YTHDC1: variants seen among roughly 807,000 people sequenced by gnomAD.
The protein encoded by YTHDC1 is YTH N6-methyladenosine RNA binding protein C1.
Under a neutral mutation model 107.0 loss-of-function variants are expected in YTHDC1, and 12 were observed. The ratio of observed to expected loss-of-function variants is 0.11; its 90% CI spans 0.07 to 0.18. YTHDC1 has a LOEUF of 0.18. YTHDC1 is among the 10% of genes least tolerant of loss of function. The pLI is 1.00. For synonymous variants in YTHDC1, 280 were observed against 289.5 expected (o/e 0.97, Z 0.33); for missense variants, 635 against 898.8 (o/e 0.71, Z 3.75).
chr4:68,333,161 T>TAGTTTTCTCTAGAATTATTACACTGAAC (rs1276633550), intron 5 of YTHDC1, 147 bp downstream of exon 5: 1 of 634,846 alleles, frequency 1.6e-6, no homozygotes, highest in Non-Finnish European at 2.7e-6. Flanking sequence ...AGAAAAAGCT[T>TAGTTTTCTCTAGAATTATTACACTGAAC]AGTTTTCTCT....
chr4:68,318,295 T>G (rs1182645975), intron 15 of YTHDC1, among the ~76,000 whole-genome samples: 1 of 152,024 alleles, frequency 6.6e-6, no homozygotes, highest in African/African-American at 2.4e-5. Context: ...AGAGACAAGG[T>G]TTCAGTTTCA....
At chr4:68,338,487 C>T (rs1247042610) in intron 1 of YTHDC1, 103 bp from the exon 2 acceptor site, 3 of 703,404 alleles carry the variant, frequency 4.3e-6, no homozygotes, top group Non-Finnish European at 6.8e-6. Flanking sequence ...GGAGCTTTTA[C>T]TTTTATATAA....
rs753485057 is a variant in YTHDC1, at chr4:68,337,069, T to A, written c.841A>T (p.Thr281Ser). The A allele has an allele frequency of 6.2e-7, 1 of 1,613,886 alleles. No homozygotes were observed. Among genetic ancestry groups the A allele is most frequent in the Admixed American group, 1.7e-5 (1 of 60,022 alleles). ...SDSGSESVSFTDGSVRSGSGT... is the reference protein window; with the variant it reads ...SDSGSESVSFSDGSVRSGSGT... ...GAACCAGATCTGACAGACCCATCTG[T>A]GAAGGAAACAGATTCAGAACCAGAG... Residue 281 changes from threonine to serine, a missense_variant, in exon 4 of 17, where the codon ACA becomes TCA. By Grantham distance (58) the Thr-to-Ser change is moderately conservative (BLOSUM62 1). Transcript: ENST00000344157.
At chr4:68,338,232 C>T (rs1323928745) in intron 2 of YTHDC1, 51 bp downstream of exon 2, 1 of 1,466,794 alleles carries the variant, frequency 6.8e-7, no homozygotes, top group East Asian at 2.3e-5. Flanking sequence ...GAAATTGAAT[C>T]TCCTCTATTT....
chr4:68,331,273 C>T (rs114785451), intron 7 of YTHDC1, among the ~76,000 whole-genome samples: 1,872 of 152,178 alleles, frequency 0.012, 41 homozygotes, highest in African/African-American at 0.043. Flanking sequence ...AGATGAGGAA[C>T]CCTGTGGATA....
At chr4:68,319,592 C>T (rs1370388764) in intron 12 of YTHDC1, among the ~76,000 whole-genome samples, 4 of 152,162 alleles carry the variant, frequency 2.6e-5, no homozygotes, top group African/African-American at 9.7e-5. Flanking sequence ...GTATCACTGA[C>T]TCTCTTCAAA....
chr4:68,336,899 A>G lies in YTHDC1; in HGVS notation c.883+128T>C, dbSNP rs1428831786. On this transcript the variant is annotated intron_variant, in intron 4 of 16. Transcript: ENST00000344157. ...ATGTATTTATAACATTCAAAAGCATATAAAGGATCACAAGACAATCCTATT... is the reference window on the plus strand; with the variant it reads ...ATGTATTTATAACATTCAAAAGCATGTAAAGGATCACAAGACAATCCTATT... 4 of 1,283,350 alleles carry G rather than the reference A, an allele frequency of 3.1e-6. No individual in the cohort carries two copies. In the African/African-American group the frequency reaches 6.0e-5, roughly 19 times the overall value. 79.5% of individuals were successfully genotyped at this position (1,283,350 alleles called of 1,614,324 possible).
rs996535452 is a variant in YTHDC1 at position 68,337,590 on chromosome 4, A to G, written c.441T>C (p.Pro147=). The G allele has an allele frequency of 1.9e-6, 3 of 1,609,384 alleles. No homozygotes were observed. The African/African-American group carries it at 4.0e-5, about 22-fold the overall frequency. Residue 147 remains proline (P), a synonymous_variant, in exon 3 of 17, where the codon CCT becomes CCC. Transcript: ENST00000344157. ...KRDPERRAKS[P]TPDGSERIGL... Reference sequence around the variant, plus strand: ...TTACTACCTCAGAACCATCTGGCGTAGGAGATTTGGCCCTCCTTTCAGGAT... The same window carrying G: ...TTACTACCTCAGAACCATCTGGCGTGGGAGATTTGGCCCTCCTTTCAGGAT...
chr4:68,310,540 T>A lies in YTHDC1; in HGVS notation c.*3559A>T, dbSNP rs570750506. 6.6e-6 allele frequency: 1 copy of A among 152,214 alleles called. No individual in the cohort carries two copies. The highest frequency in any genetic ancestry group is 2.4e-5 in the African/African-American group (1 of 41,458). The allele number at this position is 152,214 out of a possible 1,614,324, so 9.4% of individuals were successfully genotyped here. ...GAGATTAAATGATCTACATGATAGA[T>A]AACAGAATACTATGCATGGATTGCT... is the stretch of plus-strand genomic sequence containing the variant. On this transcript the variant is annotated 3_prime_UTR_variant, in exon 17 of 17. Transcript: ENST00000344157.
At position 68,325,318 on chromosome 4, in the gene YTHDC1, G is replaced by T. The variant is rs148480694; in HGVS notation, c.1350-1095C>A. 1.8e-4 allele frequency among the ~76,000 whole-genome samples: 28 copies of T among 151,792 alleles called. No individual in the cohort carries two copies. In the East Asian group the frequency reaches 5.4e-3, roughly 29 times the overall value. On this transcript the variant is annotated intron_variant, in intron 9 of 16. Transcript: ENST00000344157. ...GTGGTTGTATCTATTTTGAAAGAAA[G>T]AAAAATAATCACAAAATGCTTCATG... is the stretch of plus-strand genomic sequence containing the variant.
intron 9 of YTHDC1, among the ~76,000 whole-genome samples, chr4:68,327,274 A>G (rs1723097986): frequency 1.3e-5 from 2 of 152,106 alleles, no homozygotes; most frequent in African/African-American, 4.8e-5. Flanking sequence ...ACTCTAAATG[A>G]AAACAGAAAT....
rs1341430809 is a variant in YTHDC1 at position 68,310,970 on chromosome 4, A to G, written c.*3129T>C. ...CTGAAAAGTCAAACATTCAGGTGTT[A>G]TAACTTGTATGAGATCCTGATTTAA... On this transcript the variant is annotated 3_prime_UTR_variant, in exon 17 of 17. Coordinates refer to ENST00000344157, the MANE Select transcript of YTHDC1 (RefSeq NM_001031732.4). The G allele has an allele frequency of 1.3e-5, 2 of 152,184 alleles. No homozygotes were observed. The highest frequency in any genetic ancestry group is 2.9e-5 in the Non-Finnish European group (2 of 68,026). 9.4% of individuals were successfully genotyped at this position (152,184 alleles called of 1,614,324 possible). A position where few individuals can be genotyped will look rare whatever the true frequency, so the allele number is the denominator to read the frequency against.
At position 68,333,247 on chromosome 4, in the gene YTHDC1, C is replaced by T. The variant is rs1312957293; in HGVS notation, c.973+61G>A. ...AGTTCACACTAAACTACAGCCTCCA[C>T]ACGCTTTCTAAAGCAGATTACATTA... On this transcript the variant is annotated intron_variant, in intron 5 of 16. Coordinates refer to ENST00000344157, the MANE Select transcript of YTHDC1 (RefSeq NM_001031732.4). The T allele has an allele frequency of 5.2e-6, 7 of 1,337,250 alleles. No individual in the cohort carries two copies. The African/African-American group carries it at 1.0e-4, about 20-fold the overall frequency. The allele number at this position is 1,337,250 out of a possible 1,614,324, so 82.8% of individuals were successfully genotyped here.
At chr4:68,325,286 A>G (rs1300930529) in intron 9 of YTHDC1, among the ~76,000 whole-genome samples, 7 of 151,864 alleles carry the variant, frequency 4.6e-5, no homozygotes, top group African/African-American at 1.7e-4. Flanking sequence ...TTTTGTTTTT[A>G]ATAGGAGTGG....
chr4:68,338,567 T>C (rs868525026), intron 1 of YTHDC1, among the ~76,000 whole-genome samples, 183 bp from the exon 2 acceptor site: 35 of 152,254 alleles, frequency 2.3e-4, no homozygotes, highest in Non-Finnish European at 4.3e-4. Context: ...GGGTAAAGAA[T>C]TGGCCAGTCG....
intron 4 of YTHDC1, among the ~76,000 whole-genome samples, chr4:68,334,915 A>G (rs970257179): frequency 2.6e-5 from 4 of 152,144 alleles, no homozygotes; most frequent in Non-Finnish European, 5.9e-5. Flanking sequence ...TAATGCAGGG[A>G]AAATAACAGA....
chr4:68,314,123 C>A lies in YTHDC1; in HGVS notation c.2160G>T (p.Gly720=). 6.2e-7 allele frequency: 1 copy of A among 1,614,090 alleles called. No individual in the cohort carries two copies. The highest frequency in any genetic ancestry group is 1.7e-5 in the Admixed American group (1 of 60,006). The change falls in exon 17 of 17, where the codon GGG becomes GGT. Residue 720 remains glycine, a synonymous_variant. Coordinates refer to ENST00000344157, the MANE Select transcript of YTHDC1 (RefSeq NM_001031732.4). ...ERLCDRDRDR[G]ERGRYRR Reference sequence around the variant, plus strand: ...ATTATCTTCTATATCGACCTCTCTCCCCTCGGTCTCTGTCTCGATCACATA... The same window carrying A: ...ATTATCTTCTATATCGACCTCTCTCACCTCGGTCTCTGTCTCGATCACATA...
Position 68,337,449 on chromosome 4 carries a change from C to T in YTHDC1, c.461G>A (p.Arg154Lys). 1.9e-6 allele frequency: 3 copies of T among 1,612,494 alleles called. No individual in the cohort carries two copies. Among genetic ancestry groups the T allele is most frequent in the Non-Finnish European group, 2.5e-6 (3 of 1,178,942 alleles). Reference sequence around the variant, plus strand: ...ACGTCTATCCACTTCAAGCCCAATTCTCTGATGTTTAAAGAAAAAGGGAAT... The same window carrying T: ...ACGTCTATCCACTTCAAGCCCAATTTTCTGATGTTTAAAGAAAAAGGGAAT... Reference protein sequence around the residue: ...AKSPTPDGSERIGLEVDRRAS... With the variant: ...AKSPTPDGSEKIGLEVDRRAS... Residue 154 changes from arginine (R) to lysine (K), a missense_variant and splice_region_variant, in exon 4 of 17, where the codon AGA becomes AAA. Arg to Lys is a conservative substitution (Grantham distance 26). Transcript: ENST00000344157.
At chr4:68,321,907 C>G (rs571026884) in intron 11 of YTHDC1, among the ~76,000 whole-genome samples, 1 of 152,164 alleles carries the variant, frequency 6.6e-6, no homozygotes, top group Non-Finnish European at 1.5e-5. Flanking sequence ...AAAGACTTCT[C>G]CAATTCTGTA....
Sources: gnomAD v4.1 joint callset for allele counts (sites outside exome capture counted in the v4.1 genomes callset) on GRCh38, gnomAD v4.1.1 for gene constraint, MANE v1.5 for transcripts, NCBI Gene and HGNC (gene_info 2026-07-23, HGNC 2026-07-21) for gene names.